TXNDC11: variants seen among roughly 807,000 people sequenced by gnomAD.
TXNDC11 encodes the protein thioredoxin domain containing 11, also known as thioredoxin domain-containing protein 11.
Under a neutral mutation model 78.0 loss-of-function variants are expected in TXNDC11, and 68 were observed. The observed-to-expected ratio is 0.87, with a 90% CI of 0.72 to 1.07. The LOEUF is 1.07. TXNDC11 is among the 50% of genes least tolerant of loss of function. TXNDC11 has a pLI of 0.00. For synonymous variants in TXNDC11, 571 were observed against 495.2 expected, an observed-to-expected ratio of 1.15 and a Z score of -2.03; for missense variants, 1,389 against 1,221.8, an observed-to-expected ratio of 1.14 and a Z score of -2.04.
intron 4 of TXNDC11, among the ~76,000 whole-genome samples, chr16:11,727,042 G>C (rs909417211): frequency 3.3e-5 from 5 of 152,130 alleles, no homozygotes; most frequent in African/African-American, 1.2e-4. Context: ...GACAGAGCGA[G>C]ACTCTGTCTC....
At chr16:11,712,315 A>G (rs1317055235) in intron 5 of TXNDC11, among the ~76,000 whole-genome samples, 2 of 152,062 alleles carry the variant, frequency 1.3e-5, no homozygotes, top group African/African-American at 4.8e-5. Context: ...CCCCAGCCCC[A>G]TCAACCTTCC....
At chr16:11,729,244 G>A (rs2051973531) in intron 4 of TXNDC11, among the ~76,000 whole-genome samples, 2 of 152,154 alleles carry the variant, frequency 1.3e-5, no homozygotes, top group African/African-American at 4.8e-5. Context: ...CCCAGTGAGT[G>A]TGCCAAAGGG....
At chr16:11,739,515 CG>C (rs2052330671) in intron 1 of TXNDC11, among the ~76,000 whole-genome samples, 1 of 152,016 alleles carries the variant, frequency 6.6e-6, no homozygotes, top group Non-Finnish European at 1.5e-5. Context: ...GCACTCCAGC[CG>C]GGGCAACATA....
At chr16:11,719,029 G>A (rs930684801) in intron 5 of TXNDC11, among the ~76,000 whole-genome samples, 2 of 152,086 alleles carry the variant, frequency 1.3e-5, no homozygotes, top group Non-Finnish European at 2.9e-5. Context: ...TATTAGAAGG[G>A]TATTCCTAAA....
chr16:11,679,343 C>T lies in TXNDC11; in HGVS notation c.2729G>A (p.Gly910Glu), dbSNP rs192779289. 8.7e-6 allele frequency: 14 copies of T among 1,612,212 alleles called. No homozygotes were observed. Among genetic ancestry groups the T allele is most frequent in the Admixed American group, 3.3e-5 (2 of 59,710 alleles). Residue 910 changes from glycine to glutamate, a missense_variant, in exon 12 of 12, where the codon GGA becomes GAA. Transcript: ENST00000283033. The surrounding 1 kb of genome is among the most constrained non-coding windows in gnomAD (Gnocchi z 4.6). The part of the protein sequence containing the change: ...TMERKLEGRD[G>E]AESLAAQREV... ...TCTCTGGGCCGCCAGGCTTTCAGCT[C>T]CATCCCTGCCCTCCAGTTTCCTCTC...
chr16:11,738,650 G>A (rs1253936266), intron 1 of TXNDC11, among the ~76,000 whole-genome samples: 2 of 148,022 alleles, frequency 1.4e-5, no homozygotes, highest in Admixed American at 1.3e-4. Context: ...GAGGTGGGGA[G>A]GGCACTACAG....
chr16:11,704,206 C>T (rs1409820971), intron 5 of TXNDC11, among the ~76,000 whole-genome samples: 1 of 152,044 alleles, frequency 6.6e-6, no homozygotes, highest in Non-Finnish European at 1.5e-5. Context: ...ATTTGAGCAA[C>T]AAAATAAACA....
intron 1 of TXNDC11, among the ~76,000 whole-genome samples, chr16:11,741,578 G>T (rs1454620941): frequency 6.6e-6 from 1 of 152,118 alleles, no homozygotes; most frequent in Non-Finnish European, 1.5e-5. Flanking sequence ...AGCTTCAAAT[G>T]TCACTTCCTT....
rs62040601 is a variant in TXNDC11, at chr16:11,699,069, G to A, written c.907-744C>T. Reference sequence around the variant, plus strand: ...AACTACCAAAGGGGTGCTTCAGAGGGTTCTGAAAAATGAGATATTTAAAAC... The same window carrying A: ...AACTACCAAAGGGGTGCTTCAGAGGATTCTGAAAAATGAGATATTTAAAAC... On this transcript the variant is annotated intron_variant, in intron 6 of 11. Transcript: ENST00000283033. 3.9e-3 allele frequency among the ~76,000 whole-genome samples: 600 copies of A among 152,226 alleles called. 2 individuals carry two copies. Among genetic ancestry groups the A allele is most frequent in the Non-Finnish European group, 5.9e-3 (402 of 68,000 alleles).
intron 4 of TXNDC11, among the ~76,000 whole-genome samples, chr16:11,727,815 C>T (rs1320957504): frequency 6.6e-6 from 1 of 152,138 alleles, no homozygotes; most frequent in African/African-American, 2.4e-5. Context: ...ATGTTTTCTT[C>T]CTCTTAAGGC....
At chr16:11,700,208 C>G (rs1475537970) in intron 6 of TXNDC11, among the ~76,000 whole-genome samples, 1 of 152,132 alleles carries the variant, frequency 6.6e-6, no homozygotes, top group Non-Finnish European at 1.5e-5. Flanking sequence ...AAGTCTGTAC[C>G]AAAATCTAAG....
At chr16:11,730,445 C>G (rs1426312031) in intron 4 of TXNDC11, among the ~76,000 whole-genome samples, 200 bp downstream of exon 4, 4 of 152,214 alleles carry the variant, frequency 2.6e-5, no homozygotes, top group Admixed American at 2.6e-4. Flanking sequence ...TGCTAGTACT[C>G]TATTCTCTTA....
In TXNDC11 at chr16:11,684,135, TG is replaced by T. The variant is rs1266849995; in HGVS notation, c.2234+29del. ...CAGACCTCCACAAAAGAATCCCAAC[TG>T]CCCACCAGTGACAAAAATTTGGCAT... is the stretch of plus-strand genomic sequence containing the variant. On this transcript the variant is annotated intron_variant, in intron 11 of 11. Transcript: ENST00000283033. 8.0e-6 allele frequency: 12 copies of T among 1,494,780 alleles called. No individual in the cohort carries two copies. The Admixed American group carries it at 1.8e-4, about 23-fold the overall frequency. The allele number at this position is 1,494,780 out of a possible 1,614,324, so 92.6% of individuals were successfully genotyped here.
At chr16:11,695,375 C>A (rs1395471629) in intron 7 of TXNDC11, among the ~76,000 whole-genome samples, 2 of 152,210 alleles carry the variant, frequency 1.3e-5, no homozygotes, top group Non-Finnish European at 2.9e-5. Context: ...CAACTCTATT[C>A]CACTCACTCT....
chr16:11,701,762 G>C (rs1197976037), intron 5 of TXNDC11, among the ~76,000 whole-genome samples: 1 of 152,072 alleles, frequency 6.6e-6, no homozygotes, highest in Non-Finnish European at 1.5e-5. Context: ...GAAACATCAA[G>C]TATTGATGAA....
chr16:11,737,571 A>T (rs1427587035), intron 1 of TXNDC11, among the ~76,000 whole-genome samples: 1 of 151,946 alleles, frequency 6.6e-6, no homozygotes, highest in Non-Finnish European at 1.5e-5. Flanking sequence ...TACGTTAAAT[A>T]TAAAAGGAGA....
chr16:11,742,348 G>A, intron 1 of TXNDC11, 129 bp downstream of exon 1: 1 of 686,582 alleles, frequency 1.5e-6, no homozygotes. Flanking sequence ...TTCCGGGAGG[G>A]GTCAGCCGTC....
At chr16:11,697,552 T>C (rs1055852737) in intron 7 of TXNDC11, among the ~76,000 whole-genome samples, 1 of 152,130 alleles carries the variant, frequency 6.6e-6, no homozygotes, top group Admixed American at 6.5e-5. Flanking sequence ...GCGCACCAGA[T>C]GAAGCCGAAG....
Position 11,742,332 on chromosome 16 carries a change from C to T in TXNDC11, c.254+145G>A, listed in dbSNP as rs1022441888. 43 of 583,412 alleles carry T rather than the reference C, an allele frequency of 7.4e-5. No individual in the cohort carries two copies. In the African/African-American group the frequency reaches 8.4e-4, roughly 11 times the overall value. The allele number at this position is 583,412 out of a possible 1,614,324, so 36.1% of individuals were successfully genotyped here. Reference sequence around the variant, plus strand: ...CGAGGAGAAGGTGGGAAGCCGTGGCCGCAGGTTCCGGGAGGGGTCAGCCGT... The same window carrying T: ...CGAGGAGAAGGTGGGAAGCCGTGGCTGCAGGTTCCGGGAGGGGTCAGCCGT... On this transcript the variant is annotated intron_variant, in intron 1 of 11. Transcript: ENST00000283033.
Sources: gnomAD v4.1 joint callset for allele counts (sites outside exome capture counted in the v4.1 genomes callset) on GRCh38, gnomAD v4.1.1 for gene constraint, Gnocchi (gnomAD v3.1) non-coding constraint, MANE v1.5 for transcripts, NCBI Gene and HGNC (gene_info 2026-07-23, HGNC 2026-07-21) for gene names.